The following CEP57L1 variants were observed in gnomAD, a reference collection of about 807,000 sequenced individuals.
The protein encoded by CEP57L1 is centrosomal protein 57 like 1.
Under a neutral mutation model 61.0 loss-of-function variants are expected in CEP57L1, and 37 were observed. The observed-to-expected ratio is 0.61, with a 90% CI of 0.47 to 0.80. The LOEUF (loss-of-function observed/expected upper bound fraction) is 0.80. Ranked by LOEUF, CEP57L1 falls within the 30% of genes least tolerant of loss-of-function variation. The pLI is 0.00. For synonymous variants in CEP57L1, 137 were observed against 162.3 expected, an observed-to-expected ratio of 0.84 and a Z score of 1.19; for missense variants, 422 against 524.7, an observed-to-expected ratio of 0.80 and a Z score of 1.91.
intron 4 of CEP57L1, among the ~76,000 whole-genome samples, chr6:109,152,634 T>C (rs1476449140): frequency 2.6e-5 from 2 of 76,928 alleles, no homozygotes; most frequent in East Asian, 7.9e-4. Context: ...TAGATGTGCG[T>C]GCGTGTGTGT....
Position 109,168,447 on chromosome 6 carries a change from G to A in CEP57L1, c.*5477G>A, listed in dbSNP as rs1248348036. 6.6e-6 allele frequency among the ~76,000 whole-genome samples: 1 copy of A among 152,114 alleles called. No homozygotes were observed. Among genetic ancestry groups the A allele is most frequent in the African/African-American group, 2.4e-5 (1 of 41,426 alleles). ...CTTGCACAGAATTGTGTAAATGATT[G>A]CCATTCACTTCCCTTATGAACTTAA... On this transcript the variant is annotated 3_prime_UTR_variant, in exon 11 of 11. Coordinates refer to ENST00000517392, the MANE Select transcript of CEP57L1 (RefSeq NM_001271852.3).
chr6:109,139,456 G>A (rs888250861), intron 1 of CEP57L1, among the ~76,000 whole-genome samples: 9 of 151,734 alleles, frequency 5.9e-5, no homozygotes, highest in Admixed American at 2.0e-4. Flanking sequence ...GAGCCATCTC[G>A]CCTGGCTGAA....
rs1229112541 is a variant in CEP57L1, at chr6:109,168,659, A to C, written c.*5689A>C. On this transcript the variant is annotated 3_prime_UTR_variant, in exon 11 of 11. Transcript: ENST00000517392. ...CACCCAGGCTGGAGTGCAATGGTAC[A>C]ATCTCGTCTCACTGCAACCTCCACC... Among the ~76,000 whole-genome samples the C allele has an allele frequency of 6.8e-6, 1 of 147,048 alleles. No individual in the cohort carries two copies. The highest frequency in any genetic ancestry group is 1.5e-5 in the Non-Finnish European group (1 of 67,258).
intron 1 of CEP57L1, among the ~76,000 whole-genome samples, chr6:109,115,181 TA>T (rs1772130438): frequency 6.6e-6 from 1 of 152,068 alleles, no homozygotes; most frequent in African/African-American, 2.4e-5. Flanking sequence ...TGTTAGAAGT[TA>T]GGGGTAGTAG....
intron 1 of CEP57L1, among the ~76,000 whole-genome samples, chr6:109,099,778 G>C (rs762811264): frequency 2.0e-5 from 3 of 152,126 alleles, no homozygotes; most frequent in Non-Finnish European, 4.4e-5. Flanking sequence ...TCGATCTCCT[G>C]ACCTCGTGAT....
chr6:109,109,025 A>G (rs866593794), intron 1 of CEP57L1, among the ~76,000 whole-genome samples: 4 of 152,354 alleles, frequency 2.6e-5, no homozygotes, highest in Admixed American at 1.3e-4. Context: ...TTACTCTCCC[A>G]CACTAGAAAT....
chr6:109,118,587 C>T (rs76688852), intron 1 of CEP57L1, among the ~76,000 whole-genome samples: 6 of 152,178 alleles, frequency 3.9e-5, no homozygotes, highest in South Asian at 2.1e-4. Flanking sequence ...GTGGGTCAAA[C>T]GTCACTGTAG....
Position 109,171,163 on chromosome 6 carries a change from G to A in CEP57L1, c.*8193G>A, listed in dbSNP as rs1261762046. On this transcript the variant is annotated 3_prime_UTR_variant, in exon 11 of 11. Transcript: ENST00000517392. ...AAGTCGAAAGAGGGCTGTGCCTTTG[G>A]TGTTTGGGTATGATATATTTGCCTG... is the stretch of plus-strand genomic sequence containing the variant. Among the ~76,000 whole-genome samples the A allele has an allele frequency of 6.6e-6, 1 of 151,756 alleles. No individual in the cohort carries two copies. Among genetic ancestry groups the A allele is most frequent in the East Asian group, 1.9e-4 (1 of 5,182 alleles).
At chr6:109,150,792 A>G (rs1392646849) in intron 4 of CEP57L1, among the ~76,000 whole-genome samples, 1 of 152,188 alleles carries the variant, frequency 6.6e-6, no homozygotes, top group African/African-American at 2.4e-5. Flanking sequence ...GAACTGATAG[A>G]GTTAAGGTGT....
upstream of CEP57L1, chr6:109,095,220 T>G (rs560133257): frequency 2.1e-5 from 21 of 985,500 alleles, no homozygotes; most frequent in South Asian, 9.4e-4. Flanking sequence ...CCCGGACGTT[T>G]GGACTCTGTC....
chr6:109,099,759 A>G lies in CEP57L1; in HGVS notation c.-4+4184A>G, dbSNP rs1473460335. Among the ~76,000 whole-genome samples the G allele has an allele frequency of 2.0e-5, 3 of 152,298 alleles. No individual in the cohort carries two copies. The East Asian group carries it at 5.8e-4, about 29-fold the overall frequency. ...GAGACAGGGTTTCACCATGTTGGGCAGGATGGTCTCGATCTCCTGACCTCG... is the reference window on the plus strand; with the variant it reads ...GAGACAGGGTTTCACCATGTTGGGCGGGATGGTCTCGATCTCCTGACCTCG... On this transcript the variant is annotated intron_variant, in intron 1 of 10. Coordinates refer to ENST00000517392, the MANE Select transcript of CEP57L1 (RefSeq NM_001271852.3).
chr6:109,145,151 T>C, intron 1 of CEP57L1, 68 bp from the exon 2 acceptor site: 2 of 984,592 alleles, frequency 2.0e-6, no homozygotes, highest in Non-Finnish European at 2.8e-6. Context: ...TCACCTGAAT[T>C]TTTGTATAAT....
Position 109,119,912 on chromosome 6 carries a change from T to G in CEP57L1, c.-4+24337T>G, listed in dbSNP as rs1173312491. On this transcript the variant is annotated intron_variant, in intron 1 of 10. Transcript: ENST00000517392. The stretch of plus-strand genomic sequence containing the variant: ...TGGATATAATGTAGTTTTTGATAGT[T>G]CAAAAAAGATTTTTTGATTTTGTGG... Among the ~76,000 whole-genome samples, 17 of 152,158 alleles carry G rather than the reference T, an allele frequency of 1.1e-4. 1 individual carries two copies.
chr6:109,157,253 T>C (rs1773304011), intron 7 of CEP57L1: 1 of 152,168 alleles, frequency 6.6e-6, no homozygotes, highest in Non-Finnish European at 1.5e-5. Context: ...GTGCTAAAGT[T>C]GCTGAAAGTA....
At chr6:109,145,445 G>A (rs1771862478) in intron 2 of CEP57L1, 64 bp downstream of exon 2, 4 of 1,108,978 alleles carry the variant, frequency 3.6e-6, no homozygotes, top group South Asian at 2.2e-5. Context: ...TCATATTTAT[G>A]TGGAATACAA....
At chr6:109,137,039 C>A (rs1036970999) in intron 1 of CEP57L1, among the ~76,000 whole-genome samples, 3 of 152,166 alleles carry the variant, frequency 2.0e-5, no homozygotes, top group African/African-American at 7.2e-5. Flanking sequence ...AGGTGTGGGG[C>A]ATGGCGCCTG....
chr6:109,117,227 C>T (rs920710097), intron 1 of CEP57L1, among the ~76,000 whole-genome samples: 3 of 152,120 alleles, frequency 2.0e-5, no homozygotes, highest in African/African-American at 7.2e-5. Flanking sequence ...TTATATATAA[C>T]GTAAGCATAA....
intron 3 of CEP57L1, among the ~76,000 whole-genome samples, chr6:109,148,751 C>G (rs534859746): frequency 6.6e-6 from 1 of 152,092 alleles, no homozygotes; most frequent in Non-Finnish European, 1.5e-5. Context: ...TAAAAGTGTT[C>G]CTATTTCTCC....
In CEP57L1 at chr6:109,146,807, G is replaced by A. The variant is rs763950975; in HGVS notation, c.210G>A (p.Glu70=). 1.9e-6 allele frequency: 3 copies of A among 1,608,326 alleles called. No homozygotes were observed. The East Asian group carries it at 6.8e-5, about 36-fold the overall frequency. ...KTLQEKIHRL[E]LERTQAEDNL... is the part of the protein sequence containing the mutation. ...TTCAGGAAAAAATTCATCGTTTAGA[G>A]CTGGAGAGAACACAAGCTGAAGATA... The change falls in exon 3 of 11, where the codon GAG becomes GAA. Residue 70 remains glutamate (E), a synonymous_variant. Coordinates refer to ENST00000517392, the MANE Select transcript of CEP57L1 (RefSeq NM_001271852.3).
Sources: allele counts gnomAD v4.1 joint callset (sites outside exome capture counted in the v4.1 genomes callset), GRCh38; gene constraint gnomAD v4.1.1; transcripts MANE v1.5; gene names NCBI Gene and HGNC (gene_info 2026-07-23, HGNC 2026-07-21).